Variants in TCERG1L observed in about 807,000 individuals in gnomAD.
The protein encoded by TCERG1L is transcription elongation regulator 1-like protein.
TCERG1L carries 37 observed loss-of-function variants against 56.3 expected under a neutral mutation model. The observed-to-expected ratio is 0.66, with a 90% confidence interval of 0.51 to 0.87. The LOEUF is 0.87. Among genes scored for constraint, TCERG1L ranks in the 40% least tolerant of loss-of-function variants. The probability of loss-of-function intolerance (pLI) is 0.00; values close to 1 mark genes in which losing one functional copy is unlikely to be tolerated. For synonymous variants in TCERG1L, 324 were observed against 326.3 expected (o/e 0.99, Z 0.08); for missense variants, 799 against 774.2 (o/e 1.03, Z -0.38).
chr10:131,295,483 T>A (rs1337981552), intron 3 of TCERG1L, among the ~76,000 whole-genome samples: 1 of 152,240 alleles, frequency 6.6e-6, no homozygotes, highest in Middle Eastern at 3.2e-3. Context: ...TGTTTTGTTT[T>A]CATGAACGCC....
Position 131,092,457 on chromosome 10 carries a change from T to A in TCERG1L, c.*705A>T, listed in dbSNP as rs1845189488. 1 of 152,572 alleles carries A rather than the reference T, an allele frequency of 6.6e-6. No individual in the cohort carries two copies. Among genetic ancestry groups the A allele is most frequent in the African/African-American group, 2.4e-5 (1 of 41,420 alleles). 9.5% of individuals were successfully genotyped at this position (152,572 alleles called of 1,614,324 possible). On this transcript the variant is annotated 3_prime_UTR_variant, in exon 12 of 12. Transcript: ENST00000368642. ...TTTATACAAAGGTGATGAGAAAAAA[T>A]CTCATGCAAACTCCGGGCATACAAT...
At chr10:131,128,827 C>T (rs1384817522) in intron 8 of TCERG1L, among the ~76,000 whole-genome samples, 2 of 152,104 alleles carry the variant, frequency 1.3e-5, no homozygotes, top group South Asian at 2.1e-4. Context: ...ACAGACGAGC[C>T]GACATCACCT....
intron 4 of TCERG1L, among the ~76,000 whole-genome samples, chr10:131,240,739 T>G (rs1260569530): frequency 1.3e-5 from 2 of 152,126 alleles, no homozygotes; most frequent in African/African-American, 4.8e-5. Flanking sequence ...AGGCTCCTCC[T>G]GAATTATGGA....
intron 8 of TCERG1L, among the ~76,000 whole-genome samples, chr10:131,120,782 C>T (rs184565301): frequency 1.3e-4 from 20 of 152,338 alleles, no homozygotes; most frequent in African/African-American, 3.8e-4. Context: ...AGAGCTGTCA[C>T]GTGGATTCAG....
chr10:131,101,587 G>A (rs529346622), intron 10 of TCERG1L, among the ~76,000 whole-genome samples: 7 of 152,210 alleles, frequency 4.6e-5, no homozygotes, highest in South Asian at 2.1e-4. Flanking sequence ...CGCCACACAC[G>A]CCCCAGATGT....
chr10:131,253,746 C>T (rs1236511985), intron 4 of TCERG1L, among the ~76,000 whole-genome samples: 18 of 152,104 alleles, frequency 1.2e-4, no homozygotes, highest in Non-Finnish European at 1.5e-5. Flanking sequence ...TGAAGAGGGT[C>T]CTAACCACAG....
intron 9 of TCERG1L, among the ~76,000 whole-genome samples, chr10:131,110,136 C>A (rs1468764126): frequency 2.0e-5 from 3 of 152,188 alleles, no homozygotes; most frequent in Non-Finnish European, 4.4e-5. Flanking sequence ...CTGGACTGTC[C>A]CTTTCACAGC....
intron 3 of TCERG1L, among the ~76,000 whole-genome samples, chr10:131,266,017 C>A (rs867885335): frequency 6.6e-6 from 1 of 152,266 alleles, no homozygotes; most frequent in Non-Finnish European, 1.5e-5. Flanking sequence ...TCCCCTCAAA[C>A]CCTGCTGCTG....
At chr10:131,257,296 C>T (rs1417282331) in intron 4 of TCERG1L, among the ~76,000 whole-genome samples, 4 of 152,158 alleles carry the variant, frequency 2.6e-5, no homozygotes, top group African/African-American at 9.7e-5. Flanking sequence ...ACACCCCATC[C>T]CCTGGGAGGG....
At chr10:131,199,682 C>T (rs895958250) in intron 4 of TCERG1L, among the ~76,000 whole-genome samples, 5 of 152,194 alleles carry the variant, frequency 3.3e-5, no homozygotes, top group Non-Finnish European at 7.3e-5. Context: ...AAGCCACCTG[C>T]TCTGTGGGGT....
chr10:131,250,528 C>T (rs1208520701), intron 4 of TCERG1L, among the ~76,000 whole-genome samples: 2 of 151,348 alleles, frequency 1.3e-5, no homozygotes, highest in African/African-American at 2.5e-5. Context: ...ATTCCACGAA[C>T]GCAGGGAATC....
At chr10:131,161,249 C>T (rs956972474) in intron 6 of TCERG1L, 2 of 152,230 alleles carry the variant, frequency 1.3e-5, no homozygotes, top group Non-Finnish European at 2.9e-5. Flanking sequence ...GCAGTCAGCG[C>T]TGTGTGGTCT....
chr10:131,148,418 GCACA>G (rs35636418), intron 6 of TCERG1L, among the ~76,000 whole-genome samples: 1 of 149,982 alleles, frequency 6.7e-6, no homozygotes, highest in African/African-American at 2.5e-5. Context: ...AGACACACAT[GCACA>G]CAGAGACACA....
chr10:131,153,610 C>T (rs1417988960), intron 6 of TCERG1L, among the ~76,000 whole-genome samples: 2 of 152,292 alleles, frequency 1.3e-5, no homozygotes, highest in Non-Finnish European at 2.9e-5. Flanking sequence ...CAAATTTTCC[C>T]CAGATCCTAG....
At chr10:131,292,560 G>C (rs1255695009) in intron 3 of TCERG1L, among the ~76,000 whole-genome samples, 1 of 152,024 alleles carries the variant, frequency 6.6e-6, no homozygotes, top group Admixed American at 6.6e-5. Context: ...TCTATTTACA[G>C]TTTCACCGTA....
chr10:131,175,196 T>A (rs999427017), intron 4 of TCERG1L, among the ~76,000 whole-genome samples: 8 of 152,082 alleles, frequency 5.3e-5, no homozygotes, highest in Non-Finnish European at 1.2e-4. Context: ...CAGCTCCAGG[T>A]TGGAGATGCA....
At chr10:131,203,617 C>T (rs1172775311) in intron 4 of TCERG1L, among the ~76,000 whole-genome samples, 3 of 152,208 alleles carry the variant, frequency 2.0e-5, no homozygotes, top group South Asian at 2.1e-4. Context: ...TCACCGCAAA[C>T]GATTCAGGGA....
intron 4 of TCERG1L, among the ~76,000 whole-genome samples, chr10:131,247,857 A>C (rs1027970701): frequency 1.3e-5 from 2 of 151,922 alleles, no homozygotes; most frequent in African/African-American, 4.8e-5. Context: ...CTCACTCACA[A>C]ACACTGTAAA....
rs189037785 is a variant in TCERG1L at position 131,247,169 on chromosome 10, C to T, written c.856+13090G>A. ...CACACATAGGCACACATCCACACCA[C>T]ACACAGCGACGGACACATTTTCACT... is the stretch of plus-strand genomic sequence containing the variant. On this transcript the variant is annotated intron_variant, in intron 4 of 11. Coordinates refer to ENST00000368642, the MANE Select transcript of TCERG1L (RefSeq NM_174937.4). Among the ~76,000 whole-genome samples, 4 of 152,318 alleles carry T rather than the reference C, an allele frequency of 2.6e-5. No homozygotes were observed. In the East Asian group the frequency reaches 7.7e-4, roughly 29 times the overall value.
Sources: gnomAD v4.1 joint callset for allele counts (sites outside exome capture counted in the v4.1 genomes callset) on GRCh38, gnomAD v4.1.1 for gene constraint, MANE v1.5 for transcripts, NCBI Gene and HGNC (gene_info 2026-07-23, HGNC 2026-07-21) for gene names.